The following MACROD2 variants were observed in gnomAD, a reference collection of about 807,000 sequenced individuals.
The protein encoded by MACROD2 is mono-ADP ribosylhydrolase 2.
MACROD2 carries 36 observed loss-of-function variants against 70.4 expected under a neutral mutation model. The observed-to-expected ratio is 0.51, with a 90% CI of 0.39 to 0.68. The LOEUF is 0.68. Among genes scored for constraint, MACROD2 ranks in the 30% least tolerant of loss-of-function variants. MACROD2 has a pLI of 0.00. For synonymous variants in MACROD2, 172 were observed against 178.8 expected (o/e 0.96, Z 0.30); for missense variants, 496 against 538.4 (o/e 0.92, Z 0.78).
chr20:15,606,133 C>A lies in MACROD2; in HGVS notation c.645+106286C>A, dbSNP rs147541501. 1.6e-4 allele frequency among the ~76,000 whole-genome samples: 24 copies of A among 152,270 alleles called. No individual in the cohort carries two copies. The East Asian group carries it at 4.1e-3, about 26-fold the overall frequency. ...TTTTCTGTCTCTAGTCTCTTACCCTCCAAATCTATTCTCCGCCTGTGTGAG... is the reference window on the plus strand; with the variant it reads ...TTTTCTGTCTCTAGTCTCTTACCCTACAAATCTATTCTCCGCCTGTGTGAG... On this transcript the variant is annotated intron_variant, in intron 8 of 17. Coordinates refer to ENST00000684519, the MANE Select transcript of MACROD2 (RefSeq NM_001351661.2).
At chr20:15,492,871 A>T (rs2047249806) in intron 7 of MACROD2, among the ~76,000 whole-genome samples, 1 of 152,090 alleles carries the variant, frequency 6.6e-6, no homozygotes, top group Non-Finnish European at 1.5e-5. Context: ...TGCTGCTCCT[A>T]ACTTCTGGAT....
intron 5 of MACROD2, among the ~76,000 whole-genome samples, chr20:15,168,001 C>T (rs1048228034): frequency 6.6e-6 from 1 of 152,202 alleles, no homozygotes; most frequent in South Asian, 2.1e-4. Context: ...GTCCCCACAC[C>T]TCTCTCAATC....
rs187224177 is a variant in MACROD2 at position 14,837,890 on chromosome 20, C to T, written c.418+152931C>T. ...GTTAGATTTTTTTTTTTCAATGATA[C>T]ATTCCACATTCCCCCTGAGGGAAAT... is the stretch of plus-strand genomic sequence containing the variant. On this transcript the variant is annotated intron_variant, in intron 5 of 17. Coordinates refer to ENST00000684519, the MANE Select transcript of MACROD2 (RefSeq NM_001351661.2). 5.9e-3 allele frequency among the ~76,000 whole-genome samples: 894 copies of T among 150,370 alleles called. 11 individuals carry two copies. The highest frequency in any genetic ancestry group is 0.034 in the Middle Eastern group (10 of 290).
intron 6 of MACROD2, among the ~76,000 whole-genome samples, chr20:15,424,359 G>A (rs1023459886): frequency 6.6e-6 from 1 of 152,184 alleles, no homozygotes; most frequent in African/African-American, 2.4e-5. Context: ...AAATGCTGAA[G>A]TATATACTGC....
intron 8 of MACROD2, among the ~76,000 whole-genome samples, chr20:15,688,148 T>G (rs1418284408): frequency 1.3e-5 from 2 of 152,216 alleles, no homozygotes; most frequent in African/African-American, 4.8e-5. Context: ...AAATATTTCC[T>G]TGCTACATGA....
intron 1 of MACROD2, among the ~76,000 whole-genome samples, chr20:14,001,032 C>T (rs1046759493): frequency 9.2e-5 from 14 of 152,088 alleles, no homozygotes; most frequent in African/African-American, 3.4e-4. Flanking sequence ...TCTTCCTGTC[C>T]TTTGTGAAGC....
Position 14,816,206 on chromosome 20 carries a change from G to A in MACROD2, c.418+131247G>A, listed in dbSNP as rs540711444. 2.6e-5 allele frequency among the ~76,000 whole-genome samples: 4 copies of A among 152,126 alleles called. No homozygotes were observed. The East Asian group carries it at 7.7e-4, about 29-fold the overall frequency. Reference sequence around the variant, plus strand: ...TTGCGGGGCAGAGGGAGGATGGAAGGAGAGTTTATCAAAAGCGAAAAAATA... The same window carrying A: ...TTGCGGGGCAGAGGGAGGATGGAAGAAGAGTTTATCAAAAGCGAAAAAATA... On this transcript the variant is annotated intron_variant, in intron 5 of 17. Transcript: ENST00000684519.
At chr20:15,178,453 T>C (rs2076477583) in intron 5 of MACROD2, among the ~76,000 whole-genome samples, 1 of 152,220 alleles carries the variant, frequency 6.6e-6, no homozygotes, top group South Asian at 2.1e-4. Flanking sequence ...CACAGAATTA[T>C]AAAGATTGGA....
rs148312178 is a variant in MACROD2, at chr20:15,271,029, T to C, written c.540+40968T>C. Among the ~76,000 whole-genome samples, 27 of 152,312 alleles carry C rather than the reference T, an allele frequency of 1.8e-4. No homozygotes were observed. The East Asian group carries it at 4.8e-3, about 27-fold the overall frequency. On this transcript the variant is annotated intron_variant, in intron 6 of 17. Coordinates refer to ENST00000684519, the MANE Select transcript of MACROD2 (RefSeq NM_001351661.2). The stretch of plus-strand genomic sequence containing the variant: ...TGTTTCTTCTTTTCAGTAAATTGGA[T>C]CTCCAAAACTGTGTAAGCTTCAGGC...
At chr20:14,429,587 G>C (rs574661543) in intron 3 of MACROD2, among the ~76,000 whole-genome samples, 5 of 152,268 alleles carry the variant, frequency 3.3e-5, no homozygotes, top group African/African-American at 1.2e-4. Flanking sequence ...ACTTTACAGT[G>C]CTCTGCTCAC....
At chr20:15,999,334 G>A (rs946807601) in intron 15 of MACROD2, among the ~76,000 whole-genome samples, 2 of 152,012 alleles carry the variant, frequency 1.3e-5, no homozygotes, top group Non-Finnish European at 2.9e-5. Flanking sequence ...TTATATGTTT[G>A]TGATGAGAAA....
At position 14,368,208 on chromosome 20, in the gene MACROD2, A is replaced by G. The variant is rs570937067; in HGVS notation, c.272-125271A>G. On this transcript the variant is annotated intron_variant, in intron 3 of 17. Transcript: ENST00000684519. ...CAGTTTTTGTTAATTTCTTCTTTTG[A>G]TGGGGCATAGTTTGTTGTTTCTTGC... Among the ~76,000 whole-genome samples, 26 of 152,150 alleles carry G rather than the reference A, an allele frequency of 1.7e-4. No individual in the cohort carries two copies. In the South Asian group the frequency reaches 5.0e-3, roughly 29 times the overall value.
chr20:15,755,798 A>G (rs1387938820), intron 8 of MACROD2, among the ~76,000 whole-genome samples: 2 of 152,200 alleles, frequency 1.3e-5, no homozygotes, highest in African/African-American at 4.8e-5. Context: ...GTCCATCATC[A>G]GTCAACATGT....
chr20:14,165,456 C>T (rs1413993463), intron 3 of MACROD2, among the ~76,000 whole-genome samples: 1 of 152,104 alleles, frequency 6.6e-6, no homozygotes, highest in Non-Finnish European at 1.5e-5. Flanking sequence ...CTGTTGAATG[C>T]CAGTGTTCTT....
chr20:15,955,543 T>C (rs2065964759), intron 12 of MACROD2, among the ~76,000 whole-genome samples: 1 of 152,170 alleles, frequency 6.6e-6, no homozygotes, highest in South Asian at 2.1e-4. Context: ...GATGATCCTT[T>C]GGCAAGCTAT....
chr20:14,070,512 A>C (rs2053823869), intron 2 of MACROD2, among the ~76,000 whole-genome samples: 1 of 152,172 alleles, frequency 6.6e-6, no homozygotes, highest in Non-Finnish European at 1.5e-5. Flanking sequence ...CATCTTGATA[A>C]TACATTTATT....
chr20:15,619,083 A>G (rs2049087251), intron 8 of MACROD2, among the ~76,000 whole-genome samples: 1 of 152,114 alleles, frequency 6.6e-6, no homozygotes, highest in Non-Finnish European at 1.5e-5. Context: ...GTGCCAGCTG[A>G]TCCATCAAGC....
intron 3 of MACROD2, among the ~76,000 whole-genome samples, chr20:14,189,925 A>G (rs1483211305): frequency 6.6e-6 from 1 of 152,230 alleles, no homozygotes; most frequent in Admixed American, 6.5e-5. Flanking sequence ...AAATCTCTAT[A>G]TTAACTGGAA....
intron 6 of MACROD2, among the ~76,000 whole-genome samples, chr20:15,302,387 C>CACACACACACACACGGCAT (rs6147301): frequency 1.3e-5 from 2 of 150,452 alleles, no homozygotes; most frequent in Non-Finnish European, 3.0e-5. Context: ...CACACATACA[C>CACACACACACACACGGCAT]ACATACAGAT....
Sources: allele counts gnomAD v4.1 joint callset (sites outside exome capture counted in the v4.1 genomes callset), GRCh38; gene constraint gnomAD v4.1.1; transcripts MANE v1.5; gene names NCBI Gene and HGNC (gene_info 2026-07-23, HGNC 2026-07-21).